Variants in CSMD3 observed in about 807,000 individuals in gnomAD.
CSMD3 encodes CUB and sushi domain-containing protein 3.
CSMD3 carries 177 observed loss-of-function variants against 435.2 expected under a neutral mutation model. That is an observed-to-expected ratio of 0.41 (90% CI 0.36 to 0.46). CSMD3 has a LOEUF of 0.46. CSMD3 is among the 20% of genes least tolerant of loss of function. The probability of loss-of-function intolerance (pLI) is 0.34; values close to 1 mark genes in which losing one functional copy is unlikely to be tolerated. For missense variants in CSMD3, 4,265 were observed against 4,504.6 expected (o/e 0.95, Z 1.52); for synonymous variants, 1,656 against 1,520.5 (o/e 1.09, Z -2.07).
intron 32 of CSMD3, among the ~76,000 whole-genome samples, chr8:112,430,784 A>G (rs1813589167): frequency 6.6e-6 from 1 of 152,062 alleles, no homozygotes; most frequent in Non-Finnish European, 1.5e-5. Flanking sequence ...GATGGTGCGG[A>G]CTATAAAATG....
intron 6 of CSMD3, among the ~76,000 whole-genome samples, chr8:113,007,198 C>T (rs533067458): frequency 6.6e-6 from 1 of 152,018 alleles, no homozygotes; most frequent in African/African-American, 2.4e-5. Flanking sequence ...TTTGATTACT[C>T]TCTAGGGCTT....
intron 2 of CSMD3, among the ~76,000 whole-genome samples, chr8:113,281,549 C>T (rs890931737): frequency 7.9e-5 from 12 of 151,454 alleles, no homozygotes; most frequent in African/African-American, 2.9e-4. Flanking sequence ...TATGTGAGTC[C>T]TTATGTGTTA....
chr8:112,698,785 G>A (rs2076315927), intron 13 of CSMD3, among the ~76,000 whole-genome samples: 2 of 152,150 alleles, frequency 1.3e-5, no homozygotes, highest in Admixed American at 1.3e-4. Context: ...ATAAAGAGGT[G>A]AAAGGTGAAG....
intron 1 of CSMD3, among the ~76,000 whole-genome samples, chr8:113,384,996 A>G (rs1247874812): frequency 6.6e-6 from 1 of 152,164 alleles, no homozygotes; most frequent in Non-Finnish European, 1.5e-5. Flanking sequence ...ATGCATAATG[A>G]TAATGCAATA....
chr8:112,678,116 A>C (rs2075807970), intron 16 of CSMD3, among the ~76,000 whole-genome samples: 1 of 152,162 alleles, frequency 6.6e-6, no homozygotes, highest in South Asian at 2.1e-4. Flanking sequence ...CCTTTAGCCC[A>C]TCTAATTCAT....
intron 27 of CSMD3, among the ~76,000 whole-genome samples, chr8:112,549,619 T>C (rs1349430028): frequency 6.6e-6 from 1 of 152,058 alleles, no homozygotes; most frequent in Non-Finnish European, 1.5e-5. Flanking sequence ...AAACTATTTG[T>C]ATTATTTATT....
At chr8:113,107,443 G>A (rs770105516) in intron 4 of CSMD3, among the ~76,000 whole-genome samples, 8 of 152,144 alleles carry the variant, frequency 5.3e-5, no homozygotes, top group African/African-American at 9.7e-5. Context: ...CCCAGTTTCC[G>A]CCAGGTATTG....
chr8:112,611,339 A>T (rs532155514), intron 22 of CSMD3, among the ~76,000 whole-genome samples: 1 of 152,278 alleles, frequency 6.6e-6, no homozygotes, highest in East Asian at 1.9e-4. Flanking sequence ...GAATATTTAC[A>T]TTCTCTGAAG....
In CSMD3 at chr8:113,043,513, C is replaced by T. The variant is rs73702278; in HGVS notation, c.918-24334G>A. Among the ~76,000 whole-genome samples, 1,071 of 152,220 alleles carry T rather than the reference C, an allele frequency of 7.0e-3. 18 individuals are homozygous for T. Among genetic ancestry groups the T allele is most frequent in the African/African-American group, 0.025 (1,019 of 41,552 alleles). On this transcript the variant is annotated intron_variant, in intron 5 of 70. Transcript: ENST00000297405. ...TATCCTGTGATCAAAACATTTTTTA[C>T]AATATGTAAGAAAATTTAGAGTAGA...
chr8:112,237,424 T>C, intron 66 of CSMD3, 76 bp from the exon 67 acceptor site: 3 of 1,060,542 alleles, frequency 2.8e-6, no homozygotes, highest in Non-Finnish European at 4.4e-6. Context: ...GAGTATTAGT[T>C]TATTGAATAA....
At chr8:113,200,215 T>C (rs2092702769) in intron 3 of CSMD3, among the ~76,000 whole-genome samples, 1 of 151,752 alleles carries the variant, frequency 6.6e-6, no homozygotes, top group South Asian at 2.1e-4. Context: ...TTTTTCCTGA[T>C]TCATCTGTGG....
intron 38 of CSMD3, among the ~76,000 whole-genome samples, chr8:112,361,580 T>C (rs71515949): frequency 0.032 from 621 of 19,566 alleles, 13 homozygotes; most frequent in Middle Eastern, 0.077. Context: ...TACATATATA[T>C]ATATATATAT....
chr8:112,553,443 GT>G (rs1215758223), intron 25 of CSMD3, among the ~76,000 whole-genome samples: 1 of 152,040 alleles, frequency 6.6e-6, no homozygotes, highest in Non-Finnish European at 1.5e-5. Flanking sequence ...CCTAGAAAGA[GT>G]CTCTGTACTG....
intron 42 of CSMD3, among the ~76,000 whole-genome samples, chr8:112,339,387 A>C (rs532663746): frequency 6.6e-6 from 1 of 152,190 alleles, no homozygotes; most frequent in African/African-American, 2.4e-5. Context: ...GTGAGCATGA[A>C]GTGGCCAATG....
intron 16 of CSMD3, among the ~76,000 whole-genome samples, chr8:112,670,114 A>G (rs1176337291): frequency 6.6e-6 from 1 of 152,210 alleles, no homozygotes; most frequent in African/African-American, 2.4e-5. Flanking sequence ...TTCATAGAAG[A>G]GATTCTGTTT....
At chr8:112,514,456 T>C (rs1267812362) in intron 28 of CSMD3, among the ~76,000 whole-genome samples, 1 of 152,186 alleles carries the variant, frequency 6.6e-6, no homozygotes, top group Non-Finnish European at 1.5e-5. Flanking sequence ...TGCAGTGTTT[T>C]CTGAGGCAGT....
chr8:112,314,165 T>G (rs1161952219), intron 48 of CSMD3, 113 bp from the exon 49 acceptor site: 11 of 808,372 alleles, frequency 1.4e-5, no homozygotes, highest in Non-Finnish European at 2.2e-5. Context: ...TCACCACCAA[T>G]CTACCTCATT....
At chr8:112,857,332 G>A (rs940897909) in intron 11 of CSMD3, among the ~76,000 whole-genome samples, 3 of 151,746 alleles carry the variant, frequency 2.0e-5, no homozygotes, top group Non-Finnish European at 3.0e-5. Context: ...ATAAATTTGA[G>A]TAGATTAGAT....
intron 1 of CSMD3, among the ~76,000 whole-genome samples, chr8:113,324,389 C>T (rs538068252): frequency 5.2e-4 from 79 of 152,246 alleles, no homozygotes; most frequent in Middle Eastern, 3.4e-3. Context: ...ACTTAGTGCT[C>T]TGTGTCCCAG....
Sources: allele counts gnomAD v4.1 joint callset (sites outside exome capture counted in the v4.1 genomes callset), GRCh38; gene constraint gnomAD v4.1.1; transcripts MANE v1.5; gene names NCBI Gene and HGNC (gene_info 2026-07-23, HGNC 2026-07-21).